The following CSGALNACT1 variants were observed in gnomAD, a reference collection of about 807,000 sequenced individuals.
CSGALNACT1 encodes beta4GalNAcT-1.
In CSGALNACT1, 52 loss-of-function variants were observed where a neutral mutation model predicts 51.0. The ratio of observed to expected loss-of-function variants is 1.02; its 90% CI spans 0.82 to 1.29. The LOEUF (loss-of-function observed/expected upper bound fraction) is 1.29, where lower values mean the gene tolerates loss of function less well. Among genes scored for constraint, CSGALNACT1 ranks in the 50% most tolerant of loss-of-function variants. The pLI is 0.00. For missense variants in CSGALNACT1, 935 were observed against 679.2 expected (o/e 1.38, Z -4.19); for synonymous variants, 341 against 254.4 (o/e 1.34, Z -3.24).
intron 5 of CSGALNACT1, chr8:19,457,582 C>G: frequency 2.0e-6 from 2 of 991,694 alleles, no homozygotes; most frequent in Non-Finnish European, 2.8e-6. Flanking sequence ...CACTGCACTC[C>G]AGCCTGGGTG....
intron 3 of CSGALNACT1, among the ~76,000 whole-genome samples, chr8:19,509,429 G>A (rs977541949): frequency 6.6e-6 from 1 of 151,888 alleles, no homozygotes; most frequent in African/African-American, 2.4e-5. Context: ...AGACCAGCCG[G>A]CCAACATGGT....
rs138304411 is a variant in CSGALNACT1 at position 19,599,567 on chromosome 8, A to T, written c.-416+2204T>A. Among the ~76,000 whole-genome samples the T allele has an allele frequency of 6.6e-5, 10 of 152,082 alleles. No homozygotes were observed. In the East Asian group the frequency reaches 1.9e-3, roughly 29 times the overall value. On this transcript the variant is annotated intron_variant, in intron 2 of 9. Transcript: ENST00000454498. ...GGAAAGAAAGAAGGAAAGGGAAAGA[A>T]AGAAAGAGAGAGAAAGGAAAGGAGG... is the stretch of plus-strand genomic sequence containing the variant.
chr8:19,479,561 C>T (rs2070759477), intron 4 of CSGALNACT1, among the ~76,000 whole-genome samples: 1 of 152,068 alleles, frequency 6.6e-6, no homozygotes. Flanking sequence ...TATGTTTTAA[C>T]TACAGTATTG....
intron 6 of CSGALNACT1, among the ~76,000 whole-genome samples, chr8:19,427,149 T>C (rs1019791880): frequency 6.6e-6 from 1 of 152,204 alleles, no homozygotes; most frequent in Non-Finnish European, 1.5e-5. Context: ...TAAGCCTGTT[T>C]TAGCAAGTTT....
At chr8:19,426,832 T>G (rs1224602962) in intron 6 of CSGALNACT1, among the ~76,000 whole-genome samples, 1 of 152,212 alleles carries the variant, frequency 6.6e-6, no homozygotes, top group African/African-American at 2.4e-5. Flanking sequence ...TAGATCTTCC[T>G]GTCTAATATG....
At chr8:19,499,642 G>A (rs572709995) in intron 4 of CSGALNACT1, among the ~76,000 whole-genome samples, 6 of 152,170 alleles carry the variant, frequency 3.9e-5, no homozygotes, top group Non-Finnish European at 7.3e-5. Flanking sequence ...AAAAGAGCTG[G>A]TCCTCATCAA....
chr8:19,465,646 T>C lies in CSGALNACT1; in HGVS notation c.635-7004A>G, dbSNP rs74900746. Among the ~76,000 whole-genome samples the C allele has an allele frequency of 7.9e-5, 12 of 152,346 alleles. No homozygotes were observed. The East Asian group carries it at 1.9e-3, about 25-fold the overall frequency. ...GGGAAGATTCCCAGGACATTCTCAA[T>C]GCAAAGCCGTCTCTCTTCTTCAGGC... On this transcript the variant is annotated intron_variant, in intron 4 of 9. Coordinates refer to ENST00000454498, the Ensembl canonical transcript of CSGALNACT1.
At chr8:19,593,644 T>C (rs563307314) in intron 2 of CSGALNACT1, among the ~76,000 whole-genome samples, 74 of 152,326 alleles carry the variant, frequency 4.9e-4, no homozygotes, top group Middle Eastern at 3.4e-3. Flanking sequence ...ATGAATAACA[T>C]CAGGAAGGGT....
chr8:19,433,634 G>A (rs1585888715), intron 6 of CSGALNACT1, among the ~76,000 whole-genome samples: 1 of 152,170 alleles, frequency 6.6e-6, no homozygotes, highest in African/African-American at 2.4e-5. Flanking sequence ...CCTTGTGAGT[G>A]GTGTCTTCCG....
In CSGALNACT1 at chr8:19,702,402, C is replaced by T. The variant is rs2061929331; in HGVS notation, c.-297+55448G>A. On this transcript the variant is annotated intron_variant, in intron 1 of 1. Transcript: ENST00000517494. ...GAGGATACACCTGTAGTCCCAGCTA[C>T]TTGGGAGGCTGAGGCTGGAGGATCA... is the stretch of plus-strand genomic sequence containing the variant. Among the ~76,000 whole-genome samples, 3 of 152,006 alleles carry T rather than the reference C, an allele frequency of 2.0e-5. 1 individual carries two copies.
intron 4 of CSGALNACT1, among the ~76,000 whole-genome samples, chr8:19,488,037 G>T (rs1413720175): frequency 6.6e-6 from 1 of 152,068 alleles, no homozygotes; most frequent in Non-Finnish European, 1.5e-5. Context: ...TTTGCAATAT[G>T]ACTGCTGATA....
rs185010046 is a variant in CSGALNACT1, at chr8:19,428,539, G to A, written c.954-8021C>T. ...CCCTCCCACAACACGTGGGAATTAC[G>A]GGAGCTACAGTTCAAGATGAGACTT... On this transcript the variant is annotated intron_variant, in intron 6 of 9. Transcript: ENST00000454498. Among the ~76,000 whole-genome samples the A allele has an allele frequency of 1.6e-4, 24 of 152,224 alleles. No individual in the cohort carries two copies. In the South Asian group the frequency reaches 3.9e-3, roughly 25 times the overall value.
At chr8:19,527,693 C>T (rs77901226) in intron 3 of CSGALNACT1, among the ~76,000 whole-genome samples, 5,992 of 152,244 alleles carry the variant, frequency 0.039, 372 homozygotes, top group African/African-American at 0.13. Context: ...ATGAGAACCA[C>T]GCAGGCAGGT....
intron 4 of CSGALNACT1, among the ~76,000 whole-genome samples, chr8:19,489,728 T>C (rs940792081): frequency 9.2e-5 from 14 of 152,212 alleles, no homozygotes; most frequent in Admixed American, 9.2e-4. Flanking sequence ...GTCTTTTCAC[T>C]GGCTGTCTTC....
chr8:19,516,117 C>T (rs1329556912), intron 3 of CSGALNACT1, among the ~76,000 whole-genome samples: 1 of 152,164 alleles, frequency 6.6e-6, no homozygotes. Flanking sequence ...ACACCCTCCC[C>T]TCGTTCATAA....
chr8:19,658,660 G>A (rs1221260613), intron 1 of CSGALNACT1, among the ~76,000 whole-genome samples: 1 of 152,198 alleles, frequency 6.6e-6, no homozygotes, highest in South Asian at 2.1e-4. Flanking sequence ...CTTGAACCTG[G>A]GGGGCAGAGG....
intron 1 of CSGALNACT1, among the ~76,000 whole-genome samples, chr8:19,631,931 ACAT>A (rs1275621251): frequency 6.6e-6 from 1 of 152,188 alleles, no homozygotes; most frequent in Non-Finnish European, 1.5e-5. Context: ...ATGTTCTCTC[ACAT>A]TTTTTATGCA....
chr8:19,666,827 G>A (rs868651291), intron 1 of CSGALNACT1, among the ~76,000 whole-genome samples: 1,182 of 39,800 alleles, frequency 0.03, 39 homozygotes, highest in Non-Finnish European at 0.038. Context: ...GAGAGAGAGA[G>A]AGAGAGAAAG....
chr8:19,674,419 A>G (rs1327377047), intron 1 of CSGALNACT1, among the ~76,000 whole-genome samples: 1 of 152,176 alleles, frequency 6.6e-6, no homozygotes, highest in African/African-American at 2.4e-5. Flanking sequence ...TCCTGCAGAT[A>G]TGGTGGCAGG....
Sources: gnomAD v4.1 joint callset for allele counts (sites outside exome capture counted in the v4.1 genomes callset) on GRCh38, gnomAD v4.1.1 for gene constraint, MANE v1.5 for transcripts, NCBI Gene and HGNC (gene_info 2026-07-23, HGNC 2026-07-21) for gene names.